The following CDYL2 variants were observed in gnomAD, a reference collection of about 807,000 sequenced individuals.
CDYL2 encodes the protein chromodomain Y-like protein 2.
CDYL2 carries 23 observed loss-of-function variants against 49.4 expected under a neutral mutation model. The observed-to-expected ratio is 0.47, with a 90% CI of 0.34 to 0.66. The LOEUF (loss-of-function observed/expected upper bound fraction) is 0.66. CDYL2 is among the 30% of genes least tolerant of loss of function. The pLI is 0.01. For missense variants in CDYL2, 678 were observed against 656.4 expected (o/e 1.03, Z -0.36); for synonymous variants, 360 against 268.8 (o/e 1.34, Z -3.32).
At chr16:80,614,679 T>C (rs1906748117) in intron 4 of CDYL2, among the ~76,000 whole-genome samples, 1 of 151,946 alleles carries the variant, frequency 6.6e-6, no homozygotes, top group Non-Finnish European at 1.5e-5. Context: ...GCCTGGCCAA[T>C]ATGGTGAAAC....
intron 1 of CDYL2, among the ~76,000 whole-genome samples, chr16:80,713,515 T>C (rs971348380): frequency 1.3e-5 from 2 of 152,198 alleles, no homozygotes; most frequent in Admixed American, 1.3e-4. Flanking sequence ...TCTGAACCAT[T>C]GATGAGCTCT....
intron 2 of CDYL2, among the ~76,000 whole-genome samples, chr16:80,670,434 C>A (rs1909453851): frequency 6.6e-6 from 1 of 152,184 alleles, no homozygotes. Flanking sequence ...TCCCCTTCCG[C>A]CATGATTGTA....
intron 1 of CDYL2, among the ~76,000 whole-genome samples, chr16:80,690,402 C>T (rs73593020): frequency 6.6e-6 from 1 of 152,178 alleles, no homozygotes; most frequent in Non-Finnish European, 1.5e-5. Flanking sequence ...ACCATCACCA[C>T]CTAACCTTGA....
chr16:80,602,964 T>C lies in CDYL2; in HGVS notation c.*1424A>G, dbSNP rs758824905. On this transcript the variant is annotated 3_prime_UTR_variant, in exon 7 of 7. Transcript: ENST00000570137. ...ACAACCCCCAATCCCTCCTTCTCTG[T>C]AGTTAATCCAGGGACTTGAATCTGA... The C allele has an allele frequency of 5.9e-5, 9 of 152,230 alleles. No individual in the cohort carries two copies. The highest frequency in any genetic ancestry group is 1.2e-4 in the African/African-American group (5 of 41,462). 9.4% of individuals were successfully genotyped at this position (152,230 alleles called of 1,614,324 possible). A position where few individuals can be genotyped will look rare whatever the true frequency, so the allele number is the denominator to read the frequency against.
At chr16:80,665,279 G>A (rs931352803) in intron 2 of CDYL2, among the ~76,000 whole-genome samples, 1 of 151,960 alleles carries the variant, frequency 6.6e-6, no homozygotes, top group African/African-American at 2.4e-5. Flanking sequence ...CCTTGCTTCG[G>A]TGGTATCCAC....
intron 2 of CDYL2, among the ~76,000 whole-genome samples, chr16:80,645,720 G>A (rs549446181): frequency 1.1e-4 from 16 of 151,984 alleles, no homozygotes; most frequent in Non-Finnish European, 2.2e-4. Flanking sequence ...CAATAGCAAA[G>A]ACTTGGAACC....
At chr16:80,663,113 T>G (rs955764081) in intron 2 of CDYL2, among the ~76,000 whole-genome samples, 1 of 98,104 alleles carries the variant, frequency 1.0e-5, no homozygotes, top group Non-Finnish European at 2.9e-5. Context: ...GGGGTCTCCT[T>G]CTAGCCCCCT....
At chr16:80,684,327 C>A (rs1910087538) in intron 2 of CDYL2, among the ~76,000 whole-genome samples, 1 of 152,136 alleles carries the variant, frequency 6.6e-6, no homozygotes, top group South Asian at 2.1e-4. Context: ...GCATCAGAGG[C>A]TTAGCCTCCC....
intron 6 of CDYL2, among the ~76,000 whole-genome samples, chr16:80,606,050 C>T (rs1906317370): frequency 6.6e-6 from 1 of 152,240 alleles, no homozygotes; most frequent in Non-Finnish European, 1.5e-5. Flanking sequence ...TCTTCGCTGG[C>T]CTCCACCAGC....
intron 1 of CDYL2, among the ~76,000 whole-genome samples, chr16:80,763,234 G>A (rs1242329235): frequency 1.9e-3 from 1 of 530 alleles, no homozygotes; most frequent in African/African-American, 7.9e-3. Flanking sequence ...TGTAATAAAG[G>A]TAATGAGAAC....
chr16:80,745,117 G>A (rs1490431695), intron 1 of CDYL2, among the ~76,000 whole-genome samples: 3 of 152,222 alleles, frequency 2.0e-5, no homozygotes, highest in South Asian at 2.1e-4. Flanking sequence ...CCCACGCTGG[G>A]GGCAGGTGCT....
rs529646289 is a variant in CDYL2, at chr16:80,599,195, T to C, written c.*5193A>G. The stretch of plus-strand genomic sequence containing the variant: ...CAGAGGTGAAGTTGAAAACTAGATA[T>C]GGGTTTTTCTGACTGCCACACACAC... On this transcript the variant is annotated 3_prime_UTR_variant, in exon 7 of 7. Transcript: ENST00000570137. 1.7e-3 allele frequency: 266 copies of C among 152,292 alleles called. 1 individual carries two copies. The highest frequency in any genetic ancestry group is 6.0e-3 in the African/African-American group (251 of 41,546). The allele number at this position is 152,292 out of a possible 1,614,324, so 9.4% of individuals were successfully genotyped here. A position where few individuals can be genotyped will look rare whatever the true frequency, so the allele number is the denominator to read the frequency against.
At chr16:80,795,598 G>T (rs902588492) in intron 1 of CDYL2, among the ~76,000 whole-genome samples, 1 of 152,116 alleles carries the variant, frequency 6.6e-6, no homozygotes, top group Non-Finnish European at 1.5e-5. Flanking sequence ...GGACCAAGAA[G>T]TGCTACTCCA....
At position 80,685,007 on chromosome 16, in the gene CDYL2, C is replaced by T; in HGVS notation, c.147G>A (p.Glu49=). The stretch of plus-strand genomic sequence containing the variant: ...ACCCATTGAATTCATCAATAAACTC[C>T]TCACAGTGCAAGAGGTGGTGCTCCG... ...WEPEHHLLHC[E]EFIDEFNGLH... The change falls in exon 2 of 7, where the codon GAG becomes GAA. Residue 49 remains glutamate, a synonymous_variant. Transcript: ENST00000570137. 1 of 1,614,190 alleles carries T rather than the reference C, an allele frequency of 6.2e-7. No homozygotes were observed. The highest frequency in any genetic ancestry group is 1.1e-5 in the South Asian group (1 of 91,066).
At chr16:80,786,279 C>G (rs1907432841) in intron 1 of CDYL2, among the ~76,000 whole-genome samples, 1 of 152,124 alleles carries the variant, frequency 6.6e-6, no homozygotes, top group Non-Finnish European at 1.5e-5. Flanking sequence ...AAAAAGCAAA[C>G]AACCTCAACA....
At chr16:80,786,288 C>CA (rs1324977364) in intron 1 of CDYL2, among the ~76,000 whole-genome samples, 7 of 152,206 alleles carry the variant, frequency 4.6e-5, no homozygotes, top group South Asian at 2.1e-4. Context: ...ACAACCTCAA[C>CA]AAAAAATGGG....
At chr16:80,802,894 G>A (rs888293181) in intron 1 of CDYL2, among the ~76,000 whole-genome samples, 1 of 152,218 alleles carries the variant, frequency 6.6e-6, no homozygotes, top group Non-Finnish European at 1.5e-5. Flanking sequence ...TTATGCAAAA[G>A]GCTAATTCTA....
At chr16:80,649,520 A>G (rs893633400) in intron 2 of CDYL2, among the ~76,000 whole-genome samples, 3 of 152,196 alleles carry the variant, frequency 2.0e-5, no homozygotes, top group Non-Finnish European at 4.4e-5. Flanking sequence ...TTAAAGAATC[A>G]ATATTGTTAA....
intron 1 of CDYL2, among the ~76,000 whole-genome samples, chr16:80,719,612 G>T (rs1904930692): frequency 6.6e-6 from 1 of 152,166 alleles, no homozygotes; most frequent in Admixed American, 6.5e-5. Flanking sequence ...ACTTAGAATT[G>T]AGACAAACAA....
Sources: gnomAD v4.1 joint callset for allele counts (sites outside exome capture counted in the v4.1 genomes callset) on GRCh38, gnomAD v4.1.1 for gene constraint, MANE v1.5 for transcripts, NCBI Gene and HGNC (gene_info 2026-07-23, HGNC 2026-07-21) for gene names.